The following SHROOM3 variants were observed in gnomAD, a reference collection of about 807,000 sequenced individuals.
The protein encoded by SHROOM3 is shroom family member 3.
SHROOM3 carries 47 observed loss-of-function variants against 138.6 expected under a neutral mutation model. That is an observed-to-expected ratio of 0.34 (90% confidence interval 0.27 to 0.43). SHROOM3 has a LOEUF of 0.43. Among genes scored for constraint, SHROOM3 ranks in the 20% least tolerant of loss-of-function variants. The pLI is 1.00. For missense variants in SHROOM3, 2,491 were observed against 2,596.5 expected, an observed-to-expected ratio of 0.96 and a Z score of 0.88; for synonymous variants, 1,062 against 1,063.3, an observed-to-expected ratio of 1.00 and a Z score of 0.02.
chr4:76,657,175 C>T (rs924873696), intron 2 of SHROOM3, among the ~76,000 whole-genome samples: 1 of 150,774 alleles, frequency 6.6e-6, no homozygotes, highest in Non-Finnish European at 1.5e-5. Context: ...GAAACTCTCT[C>T]TCTCTCTCTC....
intron 2 of SHROOM3, among the ~76,000 whole-genome samples, chr4:76,610,707 A>G (rs1734742371): frequency 6.9e-6 from 1 of 145,308 alleles, no homozygotes; most frequent in South Asian, 2.2e-4. Flanking sequence ...TTTGGGTTTT[A>G]TTTTTAAAGC....
intron 3 of SHROOM3, among the ~76,000 whole-genome samples, chr4:76,720,762 C>G (rs888953726): frequency 6.6e-6 from 1 of 151,496 alleles, no homozygotes; most frequent in Non-Finnish European, 1.5e-5. Flanking sequence ...CAGGCACGCA[C>G]CACCACACCC....
intron 1 of SHROOM3, among the ~76,000 whole-genome samples, chr4:76,438,746 AT>A (rs34026585): frequency 0.17 from 24,224 of 145,152 alleles, 1,972 homozygotes; most frequent in South Asian, 0.24. Context: ...GGCAGGGACT[AT>A]TTTTTTTTTT....
intron 2 of SHROOM3, among the ~76,000 whole-genome samples, chr4:76,633,710 G>A (rs1207995629): frequency 1.3e-5 from 2 of 150,670 alleles, no homozygotes; most frequent in African/African-American, 2.4e-5. Context: ...CCTTGTACTT[G>A]AGTTGGGTGG....
chr4:76,622,757 C>T (rs1215210034), intron 2 of SHROOM3, among the ~76,000 whole-genome samples: 2 of 151,766 alleles, frequency 1.3e-5, no homozygotes, highest in African/African-American at 4.8e-5. Flanking sequence ...TTTATTGTTC[C>T]CTACCCTGTC....
In SHROOM3 at chr4:76,640,994, G is replaced by A. The variant is rs758279657; in HGVS notation, c.324-69162G>A. Among the ~76,000 whole-genome samples, 38 of 152,274 alleles carry A rather than the reference G, an allele frequency of 2.5e-4. 1 individual carries two copies. Among genetic ancestry groups the A allele is most frequent in the East Asian group, 1.4e-3 (7 of 5,176 alleles). Reference sequence around the variant, plus strand: ...GTTAAAAGTGAGGAAATGGGGGATCGAAGTCCAGGAATGTAGGGAATATGC... The same window carrying A: ...GTTAAAAGTGAGGAAATGGGGGATCAAAGTCCAGGAATGTAGGGAATATGC... On this transcript the variant is annotated intron_variant, in intron 2 of 10. Transcript: ENST00000296043.
At chr4:76,751,983 G>A (rs1467083938) in intron 6 of SHROOM3, among the ~76,000 whole-genome samples, 3 of 152,172 alleles carry the variant, frequency 2.0e-5, no homozygotes, top group African/African-American at 7.2e-5. Context: ...ATTGAAAGCA[G>A]GGTCTCCAAG....
At chr4:76,641,714 T>C (rs934886639) in intron 2 of SHROOM3, among the ~76,000 whole-genome samples, 1 of 152,228 alleles carries the variant, frequency 6.6e-6, no homozygotes, top group Non-Finnish European at 1.5e-5. Context: ...ATCTTGGACA[T>C]AAGCAGCCAG....
intron 1 of SHROOM3, among the ~76,000 whole-genome samples, chr4:76,461,321 TCA>T (rs1378200171): frequency 6.6e-6 from 1 of 152,204 alleles, no homozygotes; most frequent in African/African-American, 2.4e-5. Context: ...CATGTGGTAC[TCA>T]CATCAATCAT....
Position 76,705,722 on chromosome 4 carries a change from T to C in SHROOM3, c.324-4434T>C, listed in dbSNP as rs185707577. 3.3e-4 allele frequency among the ~76,000 whole-genome samples: 50 copies of C among 152,298 alleles called. No individual in the cohort carries two copies. The East Asian group carries it at 5.0e-3, about 15-fold the overall frequency. ...CTAAACTTTCTCAGGTCAGCTTTGA[T>C]TCCTAGCTCTTCACTCATAGTGGTA... On this transcript the variant is annotated intron_variant, in intron 2 of 10. Coordinates refer to ENST00000296043, the MANE Select transcript of SHROOM3 (RefSeq NM_020859.4).
intron 9 of SHROOM3, among the ~76,000 whole-genome samples, chr4:76,760,884 C>A (rs150330790): frequency 6.6e-6 from 1 of 152,346 alleles, no homozygotes; most frequent in African/African-American, 2.4e-5. Context: ...TACACCCTTA[C>A]ATGTATCACG....
At chr4:76,578,383 G>C (rs757541466) in intron 2 of SHROOM3, among the ~76,000 whole-genome samples, 5 of 152,182 alleles carry the variant, frequency 3.3e-5, no homozygotes, top group Non-Finnish European at 5.9e-5. Flanking sequence ...CAAGTACTTG[G>C]CATATGGTAA....
At chr4:76,688,895 G>A in intron 2 of SHROOM3, 3 of 984,508 alleles carry the variant, frequency 3.0e-6, no homozygotes, top group Non-Finnish European at 3.6e-6. Flanking sequence ...CTGCATCTCT[G>A]CTGTGACTTA....
At chr4:76,585,243 C>T (rs566979742) in intron 2 of SHROOM3, among the ~76,000 whole-genome samples, 1 of 152,248 alleles carries the variant, frequency 6.6e-6, no homozygotes, top group East Asian at 1.9e-4. Flanking sequence ...CTTTCTGTGC[C>T]TAAAAATAAC....
In SHROOM3 at chr4:76,441,086, G is replaced by GTTTT. The variant is rs374530154; in HGVS notation, c.168+4884_168+4887dup. On this transcript the variant is annotated intron_variant, in intron 1 of 10. Coordinates refer to ENST00000296043, the MANE Select transcript of SHROOM3 (RefSeq NM_020859.4). ...TCAGCCACAGTCCTGAGTTCAATTT[G>GTTTT]TTTTTTTTTTTTTTTTTTTTTGAGA... 4.2e-3 allele frequency among the ~76,000 whole-genome samples: 348 copies of GTTTT among 82,172 alleles called. 28 individuals carry two copies. The highest frequency in any genetic ancestry group is 6.8e-3 in the East Asian group (15 of 2,192). The allele number at this position is 82,172 out of a possible 152,430, so 53.9% of individuals were successfully genotyped here.
intron 5 of SHROOM3, 76 bp downstream of exon 5, chr4:76,742,002 CCA>C: frequency 6.5e-7 from 1 of 1,543,040 alleles, no homozygotes. Flanking sequence ...CCCCAACCCC[CCA>C]CACTCTCACC....
chr4:76,616,245 G>C (rs1220366529), intron 2 of SHROOM3, among the ~76,000 whole-genome samples: 1 of 152,106 alleles, frequency 6.6e-6, no homozygotes, highest in African/African-American at 2.4e-5. Flanking sequence ...ATCTGGTTTG[G>C]AATCTTGAAT....
In SHROOM3 at chr4:76,754,376, G is replaced by A. The variant is rs561893885; in HGVS notation, c.3893G>A (p.Arg1298His). Reference protein sequence around the residue: ...MLPLFHHLTPRWGGSGCKAIG... With the variant: ...MLPLFHHLTPHWGGSGCKAIG... ...CCGCTCTTCCACCATCTCACCCCTC[G>A]TTGGGGTGGTTCAGGCTGCAAAGCC... is the stretch of plus-strand genomic sequence containing the variant. Residue 1298 changes from arginine to histidine, a missense_variant, in exon 7 of 11, where the codon CGT (arginine) becomes CAT (histidine). Arg to His is a conservative substitution (Grantham distance 29). Coordinates refer to ENST00000296043, the MANE Select transcript of SHROOM3 (RefSeq NM_020859.4). 1.4e-5 allele frequency: 22 copies of A among 1,614,086 alleles called. No individual in the cohort carries two copies. Among genetic ancestry groups the A allele is most frequent in the East Asian group, 2.2e-5 (1 of 44,874 alleles).
At chr4:76,636,725 T>G (rs1181696857) in intron 2 of SHROOM3, among the ~76,000 whole-genome samples, 1 of 152,196 alleles carries the variant, frequency 6.6e-6, no homozygotes. Flanking sequence ...AGAGTCCCAG[T>G]CTGAATGAGC....
Sources: allele counts gnomAD v4.1 joint callset (sites outside exome capture counted in the v4.1 genomes callset), GRCh38; gene constraint gnomAD v4.1.1; transcripts MANE v1.5; gene names NCBI Gene and HGNC (gene_info 2026-07-23, HGNC 2026-07-21).